BCO1: variants seen among roughly 807,000 people sequenced by gnomAD.
The protein encoded by BCO1 is beta-carotene oxygenase 1, also known as beta,beta-carotene 15,15'-dioxygenase.
A neutral mutation model predicts 56.3 loss-of-function variants in BCO1; 54 were observed. The observed-to-expected ratio is 0.96, with a 90% CI of 0.77 to 1.20. The LOEUF is 1.20. Among genes scored for constraint, BCO1 ranks in the 50% most tolerant of loss-of-function variants. BCO1 has a pLI of 0.00. For missense variants in BCO1, 801 were observed against 690.9 expected (o/e 1.16, Z -1.79); for synonymous variants, 318 against 266.1 (o/e 1.20, Z -1.90).
At chr16:81,264,945 A>T (rs1209878805) in intron 5 of BCO1, among the ~76,000 whole-genome samples, 158 bp downstream of exon 5, 1 of 152,244 alleles carries the variant, frequency 6.6e-6, no homozygotes, top group Non-Finnish European at 1.5e-5. Context: ...TTAGAAGAGA[A>T]GAGGAGATGC....
At chr16:81,275,828 G>A (rs1489443729) in intron 7 of BCO1, among the ~76,000 whole-genome samples, 2 of 152,234 alleles carry the variant, frequency 1.3e-5, no homozygotes, top group Non-Finnish European at 2.9e-5. Context: ...GGGGTCAAAG[G>A]AAGGCAGGGC....
At chr16:81,265,447 A>G (rs1323859319) in intron 5 of BCO1, among the ~76,000 whole-genome samples, 3 of 148,484 alleles carry the variant, frequency 2.0e-5, no homozygotes, top group Non-Finnish European at 4.5e-5. Flanking sequence ...TCATCCATCC[A>G]CCCACCACCC....
chr16:81,242,972 C>G (rs1302564042), intron 1 of BCO1, among the ~76,000 whole-genome samples: 1 of 152,096 alleles, frequency 6.6e-6, no homozygotes, highest in Non-Finnish European at 1.5e-5. Flanking sequence ...GAAAAATTAT[C>G]TTCCACAAAA....
At chr16:81,288,973 C>T (rs1300584251) in intron 10 of BCO1, among the ~76,000 whole-genome samples, 2 of 152,212 alleles carry the variant, frequency 1.3e-5, no homozygotes, top group Non-Finnish European at 1.5e-5. Context: ...GGACCACAGG[C>T]CTTGCCTCCT....
chr16:81,287,222 T>C, intron 9 of BCO1, 73 bp from the exon 10 acceptor site: 1 of 1,118,762 alleles, frequency 8.9e-7, no homozygotes, highest in South Asian at 1.2e-5. Flanking sequence ...TGGATCTTCA[T>C]GCACTCCTAT....
At chr16:81,280,616 G>C (rs1907823888) in intron 7 of BCO1, among the ~76,000 whole-genome samples, 1 of 152,122 alleles carries the variant, frequency 6.6e-6, no homozygotes. Context: ...CAGAGTAAGA[G>C]AAAAGAGTCC....
rs1252293198 is a variant in BCO1, at chr16:81,271,737, G to GGTTT, written c.1101+1321_1101+1322insGTTT. ...TATAAGTGCTTCATTTCTTTTTGTT[G>GGTTT]TTGTTGTTGGTTTTTGCTTGTTTGT... On this transcript the variant is annotated intron_variant, in intron 7 of 10. Transcript: ENST00000258168. Among the ~76,000 whole-genome samples, 4 of 152,030 alleles carry GGTTT rather than the reference G, an allele frequency of 2.6e-5. No individual in the cohort carries two copies. The East Asian group carries it at 7.7e-4, about 29-fold the overall frequency.
At chr16:81,289,264 T>C (rs1308536025) in intron 10 of BCO1, among the ~76,000 whole-genome samples, 10 of 152,208 alleles carry the variant, frequency 6.6e-5, no homozygotes, top group Admixed American at 6.5e-4. Flanking sequence ...AGAGTGAGTA[T>C]TGAGAGTATT....
chr16:81,265,793 TCC>T (rs549533818), intron 5 of BCO1, among the ~76,000 whole-genome samples: 1 of 97,822 alleles, frequency 1.0e-5, no homozygotes, highest in Non-Finnish European at 2.2e-5. Context: ...CCACCATCCA[TCC>T]ATTGAGCCAC....
intron 2 of BCO1, among the ~76,000 whole-genome samples, chr16:81,254,450 AT>A (rs796296851): frequency 0.022 from 3,073 of 137,912 alleles, 46 homozygotes; most frequent in African/African-American, 0.05. Flanking sequence ...CACACCAAGC[AT>A]TTTTTTTTTT....
chr16:81,253,649 A>G (rs1176696458), intron 2 of BCO1, among the ~76,000 whole-genome samples: 1 of 152,124 alleles, frequency 6.6e-6, no homozygotes, highest in East Asian at 1.9e-4. Flanking sequence ...GCTGCCCAGG[A>G]ATAAATCTCC....
intron 7 of BCO1, among the ~76,000 whole-genome samples, chr16:81,272,589 C>G (rs1461183537): frequency 6.6e-6 from 1 of 152,152 alleles, no homozygotes; most frequent in Non-Finnish European, 1.5e-5. Flanking sequence ...GAATGACCAC[C>G]AGGCCAGACA....
At chr16:81,244,115 G>C (rs550329814) in intron 1 of BCO1, among the ~76,000 whole-genome samples, 1 of 152,198 alleles carries the variant, frequency 6.6e-6, no homozygotes, top group South Asian at 2.1e-4. Flanking sequence ...TGCCCCACCC[G>C]CAGTCAGAAC....
intron 8 of BCO1, among the ~76,000 whole-genome samples, chr16:81,284,172 G>A (rs547023508): frequency 3.3e-5 from 5 of 151,088 alleles, no homozygotes; most frequent in East Asian, 3.9e-4. Flanking sequence ...CAGCCCAGGC[G>A]ACAGAGCTAG....
intron 7 of BCO1, among the ~76,000 whole-genome samples, chr16:81,271,345 C>T (rs183553865): frequency 6.6e-6 from 1 of 151,634 alleles, no homozygotes; most frequent in South Asian, 2.1e-4. Flanking sequence ...GAACTCCTGA[C>T]CTCAGGTGAT....
rs114503852 is a variant in BCO1, at chr16:81,288,055, C to A, written c.1414+649C>A. ...GTAGACTGCCTGATGTGGCCCAAGG[C>A]CCCCAGGTATACAAAGATACTTGTA... is the stretch of plus-strand genomic sequence containing the variant. On this transcript the variant is annotated intron_variant, in intron 10 of 10. Coordinates refer to ENST00000258168, the MANE Select transcript of BCO1 (RefSeq NM_017429.3). 1.1e-4 allele frequency among the ~76,000 whole-genome samples: 16 copies of A among 152,170 alleles called. No individual in the cohort carries two copies. The South Asian group carries it at 2.7e-3, about 26-fold the overall frequency.
intron 1 of BCO1, 71 bp downstream of exon 1, chr16:81,239,043 G>T: frequency 3.0e-6 from 4 of 1,321,586 alleles, no homozygotes; most frequent in Non-Finnish European, 4.2e-6. Context: ...TTGAGGCGGA[G>T]TCTCGCTCTG....
chr16:81,279,629 G>A (rs751746676), intron 7 of BCO1, among the ~76,000 whole-genome samples: 1 of 152,138 alleles, frequency 6.6e-6, no homozygotes, highest in Non-Finnish European at 1.5e-5. Flanking sequence ...ATAAGGAAAC[G>A]GAACTATAGA....
At chr16:81,244,913 A>G (rs111333529) in intron 1 of BCO1, among the ~76,000 whole-genome samples, 1,905 of 151,738 alleles carry the variant, frequency 0.013, 32 homozygotes, top group African/African-American at 0.043. Flanking sequence ...TTTTTGACAC[A>G]GAGTTTCGCT....
Sources: gnomAD v4.1 joint callset for allele counts (sites outside exome capture counted in the v4.1 genomes callset) on GRCh38, gnomAD v4.1.1 for gene constraint, MANE v1.5 for transcripts, NCBI Gene and HGNC (gene_info 2026-07-23, HGNC 2026-07-21) for gene names.